Variants in DFFB observed in about 807,000 individuals in gnomAD.
The protein encoded by DFFB is DNA fragmentation factor 40 kDa subunit.
In DFFB, 29 loss-of-function variants were observed where a neutral mutation model predicts 32.7. That is an observed-to-expected ratio of 0.89 (90% CI 0.66 to 1.21). DFFB has a LOEUF of 1.21. Ranked by LOEUF, DFFB falls within the 50% of genes most tolerant of loss-of-function variation. The probability of loss-of-function intolerance (pLI) is 0.00; values close to 1 mark genes in which losing one functional copy is unlikely to be tolerated. For synonymous variants in DFFB, 170 were observed against 177.1 expected (o/e 0.96, Z 0.32); for missense variants, 398 against 440.6 (o/e 0.90, Z 0.87).
chr1:3,872,648 TGGCCCTGTCCCTGCCAC>T (rs903383818), intron 6 of DFFB, 76 bp downstream of exon 6: 16 of 424,976 alleles, frequency 3.8e-5, no homozygotes, highest in South Asian at 1.4e-4. Flanking sequence ...GTCCCTGCCA[TGGCCCTGTCCCTGCCAC>T]GGCCCTGTCC....
At chr1:3,872,425 AAAG>A in intron 5 of DFFB, 44 bp from the exon 6 acceptor site, 1 of 1,460,818 alleles carries the variant, frequency 6.8e-7, no homozygotes, top group Non-Finnish European at 9.5e-7. Flanking sequence ...AAAAAAAAAA[AAAG>A]AGACTCACTT....
At chr1:3,859,399 G>A (rs1040684426) in intron 2 of DFFB, among the ~76,000 whole-genome samples, 5 of 152,186 alleles carry the variant, frequency 3.3e-5, no homozygotes, top group African/African-American at 9.6e-5. Context: ...AGAACCAGCC[G>A]AATGCCAAGG....
At chr1:3,868,832 G>A (rs1032415800) in intron 4 of DFFB, among the ~76,000 whole-genome samples, 15 of 152,178 alleles carry the variant, frequency 9.9e-5, no homozygotes, top group East Asian at 3.8e-4. Flanking sequence ...CCACGCCCTC[G>A]GCCCACTCCT....
chr1:3,857,684 G>A lies in DFFB; in HGVS notation c.81G>A (p.Gln27=), dbSNP rs1644772710. The stretch of plus-strand genomic sequence containing the variant: ...TCGGCGTGGCTGGCCGGAGCTGCCA[G>A]GAGGTGCTGCGCAAGGGCTGTCTCC... The part of the protein sequence containing the change: ...RKFGVAGRSC[Q]EVLRKGCLRF... The change falls in exon 1 of 7, where the codon CAG becomes CAA. Residue 27 remains glutamine (Q), a synonymous_variant. Coordinates refer to ENST00000378209, the MANE Select transcript of DFFB (RefSeq NM_004402.4). 6.3e-7 allele frequency: 1 copy of A among 1,585,136 alleles called. No homozygotes were observed. The highest frequency in any genetic ancestry group is 1.2e-5 in the South Asian group (1 of 86,664).
chr1:3,883,639 C>T lies in DFFB; in HGVS notation c.915C>T (p.Val305=), dbSNP rs1007716170. The change falls in exon 7 of 7, where the codon GTC becomes GTT. Residue 305 remains valine (V), a synonymous_variant. Transcript: ENST00000378209. The part of the protein sequence containing the change: ...TSENLKLVHI[V]CHKKTTHKLN... ...AGAACCTAAAACTAGTGCACATTGT[C>T]TGCCATAAGAAAACCACCCACAAGC... 1 of 1,614,082 alleles carries T rather than the reference C, an allele frequency of 6.2e-7. No individual in the cohort carries two copies. The highest frequency in any genetic ancestry group is 1.3e-5 in the African/African-American group (1 of 75,022).
chr1:3,883,569 G>A lies in DFFB; in HGVS notation c.845G>A (p.Arg282Lys). The A allele has an allele frequency of 6.2e-7, 1 of 1,614,230 alleles. No individual in the cohort carries two copies. Among genetic ancestry groups the A allele is most frequent in the Non-Finnish European group, 8.5e-7 (1 of 1,180,048 alleles). The change falls in exon 7 of 7, where the codon AGA becomes AAA. Residue 282 changes from arginine to lysine, a missense_variant. Coordinates refer to ENST00000378209, the MANE Select transcript of DFFB (RefSeq NM_004402.4). ...GAAGCAATTAAGGAACAAGATGGAA[G>A]AGAAGTGGACTGGGAGTATTTTTAT... ...LVEAIKEQDGREVDWEYFYGL... is the reference protein window; with the variant it reads ...LVEAIKEQDGKEVDWEYFYGL...
chr1:3,869,628 G>A lies in DFFB; in HGVS notation c.534G>A (p.Val178=), dbSNP rs1175615790. ...LREVSSYPST[V]GAEAQEEFLR... The stretch of plus-strand genomic sequence containing the variant: ...AGGTGAGCTCCTACCCCTCCACGGT[G>A]GGTGCGGAGGCTCAGGAGGAATTCC... Residue 178 remains valine (V), a synonymous_variant, in exon 5 of 7, where the codon GTG becomes GTA. Coordinates refer to ENST00000378209, the MANE Select transcript of DFFB (RefSeq NM_004402.4). 6.2e-6 allele frequency: 10 copies of A among 1,612,688 alleles called. No individual in the cohort carries two copies. The highest frequency in any genetic ancestry group is 1.7e-5 in the Admixed American group (1 of 59,814).
Position 3,883,490 on chromosome 1 carries a change from C to T in DFFB, c.783-17C>T, listed in dbSNP as rs12086722. 5 of 1,611,800 alleles carry T rather than the reference C, an allele frequency of 3.1e-6. No individual in the cohort carries two copies. In the South Asian group the frequency reaches 3.3e-5, roughly 11 times the overall value. ...ACTGTGACCACAGAAAATGATGTCT[C>T]TAACCTTACTTTGCAGAATAGAAAA... On this transcript the variant is annotated splice_polypyrimidine_tract_variant and intron_variant, in intron 6 of 6. Coordinates refer to ENST00000378209, the MANE Select transcript of DFFB (RefSeq NM_004402.4).
Position 3,865,945 on chromosome 1 carries a change from C to T in DFFB, c.375C>T (p.Asn125=), listed in dbSNP as rs371235013. 2.6e-5 allele frequency: 41 copies of T among 1,604,878 alleles called. No individual in the cohort carries two copies. Among genetic ancestry groups the T allele is most frequent in the Middle Eastern group, 1.7e-4 (1 of 5,850 alleles). The change falls in exon 3 of 7, where the codon AAC becomes AAT. Residue 125 remains asparagine (N), a synonymous_variant. Coordinates refer to ENST00000378209, the MANE Select transcript of DFFB (RefSeq NM_004402.4). The surrounding 1 kb of genome is among the most constrained non-coding windows in gnomAD (Gnocchi z 4.7). Reference sequence around the variant, plus strand: ...GGCTGCTGGCTGACCTCCTGCACAACGTCAGCCAGAACATCGCGGCCGAGA... The same window carrying T: ...GGCTGCTGGCTGACCTCCTGCACAATGTCAGCCAGAACATCGCGGCCGAGA... ...RQRLLADLLH[N]VSQNIAAETR...
At chr1:3,883,403 A>T in intron 6 of DFFB, 104 bp from the exon 7 acceptor site, 1 of 1,076,364 alleles carries the variant, frequency 9.3e-7, no homozygotes, top group South Asian at 1.5e-5. Context: ...CCGTGATAGC[A>T]CTTAGGGGAA....
At chr1:3,867,290 A>G (rs1459664863) in intron 3 of DFFB, among the ~76,000 whole-genome samples, 2 of 152,036 alleles carry the variant, frequency 1.3e-5, no homozygotes, top group Admixed American at 6.6e-5. Context: ...CACTCTGTCC[A>G]TTCACTCCAC....
intron 6 of DFFB, among the ~76,000 whole-genome samples, chr1:3,875,522 G>T (rs1335140577): frequency 6.6e-6 from 1 of 152,090 alleles, no homozygotes; most frequent in African/African-American, 2.4e-5. Context: ...ATGCTTTCCC[G>T]GGTTCTTGCT....
At chr1:3,872,640 C>CCCTGCCGCGGCCCTGTT (rs1645143502) in intron 6 of DFFB, 68 bp downstream of exon 6, 3 of 1,402,848 alleles carry the variant, frequency 2.1e-6, no homozygotes, top group Admixed American at 1.7e-5. Flanking sequence ...GTGGCCCTGT[C>CCCTGCCGCGGCCCTGTT]CCTGCCATGG....
intron 6 of DFFB, among the ~76,000 whole-genome samples, chr1:3,873,477 ATTTTT>A (rs201543955): frequency 2.2e-5 from 3 of 138,808 alleles, no homozygotes; most frequent in East Asian, 2.1e-4. Context: ...AGGATTTGGG[ATTTTT>A]TTTTTTTTTT....
chr1:3,868,664 A>ACCACACCAGG, intron 4 of DFFB, among the ~76,000 whole-genome samples: 106 of 8,944 alleles, frequency 0.012, 12 homozygotes, highest in South Asian at 0.017. Flanking sequence ...ACCAGGCCAC[A>ACCACACCAGG]CCACACCACA....
intron 6 of DFFB, among the ~76,000 whole-genome samples, chr1:3,875,705 C>G (rs570931351): frequency 2.7e-4 from 41 of 152,292 alleles, no homozygotes; most frequent in African/African-American, 9.9e-4. Context: ...CTCTCTTGGG[C>G]TATGGTCTTA....
chr1:3,880,817 G>A (rs947341414), intron 6 of DFFB, among the ~76,000 whole-genome samples: 3 of 152,180 alleles, frequency 2.0e-5, no homozygotes, highest in East Asian at 1.9e-4. Flanking sequence ...GGTGTGTCAC[G>A]GTGCCCCTTC....
intron 1 of DFFB, 126 bp downstream of exon 1, chr1:3,857,843 T>G: frequency 6.0e-6 from 4 of 664,950 alleles, no homozygotes; most frequent in Non-Finnish European, 9.4e-6. Context: ...TTCGTTCGCC[T>G]CAGCCGCTAG....
Position 3,857,607 on chromosome 1 carries a change from C to T in DFFB, c.4C>T (p.Leu2Phe). The change falls in exon 1 of 7, where the codon CTC (leucine) becomes TTC (phenylalanine). Residue 2 changes from leucine (L) to phenylalanine (F), a missense_variant. Leu to Phe is a conservative substitution (Grantham distance 22). Transcript: ENST00000378209. ...AGAGGGCTTGAGGACATCTGCAATG[C>T]TCCAGAAGCCCAAGAGCGTGAAGCT... MLQKPKSVKLRA... is the reference protein window; with the variant it reads MFQKPKSVKLRA... 6.3e-7 allele frequency: 1 copy of T among 1,587,758 alleles called. No individual in the cohort carries two copies. Among genetic ancestry groups the T allele is most frequent in the Non-Finnish European group, 8.6e-7 (1 of 1,168,028 alleles).
Sources: allele counts gnomAD v4.1 joint callset (sites outside exome capture counted in the v4.1 genomes callset), GRCh38; gene constraint gnomAD v4.1.1; non-coding constraint Gnocchi (gnomAD v3.1); transcripts MANE v1.5; gene names NCBI Gene and HGNC (gene_info 2026-07-23, HGNC 2026-07-21).